The following MYH11 variants were observed in gnomAD, a reference collection of about 807,000 sequenced individuals.
MYH11 encodes the protein myosin heavy chain 11, also known as myosin-11.
MYH11 carries 80 observed loss-of-function variants against 246.6 expected under a neutral mutation model. The observed-to-expected ratio is 0.32, with a 90% CI of 0.27 to 0.39. The LOEUF (loss-of-function observed/expected upper bound fraction) is 0.39, where lower values mean the gene tolerates loss of function less well. MYH11 is among the 10% of genes least tolerant of loss of function. The pLI, the probability that MYH11 is intolerant of heterozygous loss-of-function variation, is 1.00. For missense variants in MYH11, 2,158 were observed against 2,546.8 expected, an observed-to-expected ratio of 0.85 and a Z score of 3.29; for synonymous variants, 1,071 against 1,015.5, an observed-to-expected ratio of 1.05 and a Z score of -1.04.
In MYH11 at chr16:15,732,712, G is replaced by C. The variant is rs2041004421; in HGVS notation, c.3507-4C>G. On this transcript the variant is annotated splice_polypyrimidine_tract_variant and splice_region_variant and intron_variant, in intron 26 of 40. Coordinates refer to ENST00000300036, the MANE Select transcript of MYH11 (RefSeq NM_002474.3). ...CACCTCCTGCTCCCTCTTGGCCCTT[G>C]GTGGGAGGAACACAGTGAATGGCAG... is the stretch of plus-strand genomic sequence containing the variant. 6.2e-7 allele frequency: 1 copy of C among 1,614,050 alleles called. No homozygotes were observed. Among genetic ancestry groups the C allele is most frequent in the Admixed American group, 1.7e-5 (1 of 60,002 alleles).
In MYH11 at chr16:15,789,076, C is replaced by A. The variant is rs151069574; in HGVS notation, c.531-2344G>T. Among the ~76,000 whole-genome samples, 10 of 152,246 alleles carry A rather than the reference C, an allele frequency of 6.6e-5. No homozygotes were observed. The East Asian group carries it at 1.9e-3, about 29-fold the overall frequency. ...CATGAATTATTTCCTTTATCCTCTT[C>A]CTGCTTCCATGTTATTATAGAAGGA... On this transcript the variant is annotated intron_variant, in intron 4 of 40. Coordinates refer to ENST00000300036, the MANE Select transcript of MYH11 (RefSeq NM_002474.3).
chr16:15,833,885 C>T (rs1002221751), intron 2 of MYH11, among the ~76,000 whole-genome samples: 1 of 152,052 alleles, frequency 6.6e-6, no homozygotes, highest in South Asian at 2.1e-4. Flanking sequence ...CCGTCATGGA[C>T]GACGGTTTCT....
At chr16:15,762,146 T>C (rs1325502082) in intron 10 of MYH11, among the ~76,000 whole-genome samples, 1 of 152,204 alleles carries the variant, frequency 6.6e-6, no homozygotes, top group Non-Finnish European at 1.5e-5. Context: ...GGCTAATTTT[T>C]GTATTTTTAG....
At chr16:15,736,209 A>G (rs2041113768) in intron 25 of MYH11, among the ~76,000 whole-genome samples, 1 of 152,206 alleles carries the variant, frequency 6.6e-6, no homozygotes, top group Admixed American at 6.5e-5. Flanking sequence ...CAGAGGGTGG[A>G]TGGGCTCTGA....
rs11273419 is a variant in MYH11 at position 15,788,095 on chromosome 16, T to TTTTTTTTTTTTTTTTTTTA, written c.531-1364_531-1363insTAAAAAAAAAAAAAAAAAA. On this transcript the variant is annotated intron_variant, in intron 4 of 40. Transcript: ENST00000300036. The stretch of plus-strand genomic sequence containing the variant: ...GGTAGATCTTTTTTTTTTTTTTTTT[T>TTTTTTTTTTTTTTTTTTTA]ACCAAGATGGCTTTCGTGCACTAGC... 6.2e-4 allele frequency among the ~76,000 whole-genome samples: 62 copies of TTTTTTTTTTTTTTTTTTTA among 99,512 alleles called. 11 individuals are homozygous for TTTTTTTTTTTTTTTTTTTA. Among genetic ancestry groups the TTTTTTTTTTTTTTTTTTTA allele is most frequent in the East Asian group, 4.8e-3 (12 of 2,494 alleles). The allele number at this position is 99,512 out of a possible 152,430, so 65.3% of individuals were successfully genotyped here. A position where few individuals can be genotyped will look rare whatever the true frequency, so the allele number is the denominator to read the frequency against.
chr16:15,754,023 T>C (rs933912555), intron 14 of MYH11, among the ~76,000 whole-genome samples: 2 of 147,444 alleles, frequency 1.4e-5, no homozygotes, highest in East Asian at 2.0e-4. Context: ...CTGACCAACA[T>C]GGTGAAACCC....
At chr16:15,710,895 C>T (rs1413484183) in intron 40 of MYH11, among the ~76,000 whole-genome samples, 1 of 152,104 alleles carries the variant, frequency 6.6e-6, no homozygotes, top group Non-Finnish European at 1.5e-5. Context: ...CCAGGCTGGT[C>T]TCGAACTCCT....
At chr16:15,829,926 A>G (rs1431337581) in intron 2 of MYH11, among the ~76,000 whole-genome samples, 6 of 152,174 alleles carry the variant, frequency 3.9e-5, no homozygotes, top group Middle Eastern at 3.4e-3. Flanking sequence ...CCTGAGGTCA[A>G]GAGTTCGAGA....
chr16:15,718,213 G>T, intron 37 of MYH11, 102 bp downstream of exon 37: 1 of 1,576,820 alleles, frequency 6.3e-7, no homozygotes, highest in East Asian at 2.2e-5. Flanking sequence ...CTCAATCCAG[G>T]GCCTGCACAC....
Position 15,776,061 on chromosome 16 carries a change from C to T in MYH11, c.889+17G>A. 6.4e-7 allele frequency: 1 copy of T among 1,566,634 alleles called. No individual in the cohort carries two copies. Among genetic ancestry groups the T allele is most frequent in the Non-Finnish European group, 8.8e-7 (1 of 1,136,692 alleles). On this transcript the variant is annotated intron_variant, in intron 8 of 40. Transcript: ENST00000300036. ...AGGCTCAAGCCATCCAATCACATGT[C>T]ATTGCTAGTCACTTACTTCTCATCT...
chr16:15,853,565 C>T (rs2044383787), intron 1 of MYH11, among the ~76,000 whole-genome samples: 1 of 152,194 alleles, frequency 6.6e-6, no homozygotes, highest in African/African-American at 2.4e-5. Flanking sequence ...GCAGCTTCTT[C>T]CTCTGTCCTT....
rs1322765466 is a variant in MYH11, at chr16:15,750,954, G to T, written c.1865-623C>A. Among the ~76,000 whole-genome samples, 1 of 152,006 alleles carries T rather than the reference G, an allele frequency of 6.6e-6. No homozygotes were observed. The highest frequency in any genetic ancestry group is 2.4e-5 in the African/African-American group (1 of 41,398). Reference sequence around the variant, plus strand: ...AGAGAGTGAAGAGGGTGCTCTCTTAGACAAGGAGGTGGTGGGCTCTGCTAA... The same window carrying T: ...AGAGAGTGAAGAGGGTGCTCTCTTATACAAGGAGGTGGTGGGCTCTGCTAA... On this transcript the variant is annotated intron_variant, in intron 15 of 40. Coordinates refer to ENST00000300036, the MANE Select transcript of MYH11 (RefSeq NM_002474.3). This position sits in a 1 kb window ranked among gnomAD's most constrained non-coding sequence, Gnocchi z 4.3.
At chr16:15,717,413 T>C in intron 37 of MYH11, 65 bp from the exon 38 acceptor site, 1 of 1,534,492 alleles carries the variant, frequency 6.5e-7, no homozygotes, top group African/African-American at 1.4e-5. Flanking sequence ...ACTGAGACCA[T>C]GCCTCTTCCT....
At chr16:15,710,956 G>A (rs1567677682) in intron 40 of MYH11, among the ~76,000 whole-genome samples, 1 of 152,162 alleles carries the variant, frequency 6.6e-6, no homozygotes, top group Non-Finnish European at 1.5e-5. Context: ...GGGATTACAG[G>A]CGTGAGCCAC....
Position 15,703,624 on chromosome 16 carries a change from T to C in MYH11, c.*367A>G, listed in dbSNP as rs1443878197. Reference sequence around the variant, plus strand: ...GTGGTGGTGGTTGAGACAGGGTCTCTGTTGCCCAGGCTGGAGTGCAATGAT... The same window carrying C: ...GTGGTGGTGGTTGAGACAGGGTCTCCGTTGCCCAGGCTGGAGTGCAATGAT... On this transcript the variant is annotated 3_prime_UTR_variant, in exon 41 of 41. Transcript: ENST00000300036. The C allele has an allele frequency of 1.7e-5, 7 of 402,666 alleles. No individual in the cohort carries two copies. Among genetic ancestry groups the C allele is most frequent in the Non-Finnish European group, 3.3e-5 (7 of 213,958 alleles). 24.9% of individuals were successfully genotyped at this position (402,666 alleles called of 1,614,324 possible). A position where few individuals can be genotyped will look rare whatever the true frequency, so the allele number is the denominator to read the frequency against.
chr16:15,748,312 G>A (rs1298987796), intron 16 of MYH11, 144 bp from the exon 17 acceptor site: 10 of 1,392,076 alleles, frequency 7.2e-6, no homozygotes, highest in East Asian at 5.0e-5. Context: ...GCTGAGGGCC[G>A]AGGGGCAAAG....
intron 40 of MYH11, among the ~76,000 whole-genome samples, chr16:15,711,434 A>G (rs983292755): frequency 6.6e-6 from 1 of 152,176 alleles, no homozygotes; most frequent in African/African-American, 2.4e-5. Context: ...CAATAGCTAG[A>G]TATTGAACTT....
At chr16:15,853,110 C>G (rs916536850) in intron 1 of MYH11, among the ~76,000 whole-genome samples, 2 of 152,114 alleles carry the variant, frequency 1.3e-5, no homozygotes, top group African/African-American at 4.8e-5. Flanking sequence ...CCTCTCTGGG[C>G]CTTGTATTTT....
intron 2 of MYH11, among the ~76,000 whole-genome samples, chr16:15,832,820 G>A (rs1467098961): frequency 6.6e-6 from 1 of 151,784 alleles, no homozygotes; most frequent in Non-Finnish European, 1.5e-5. Context: ...TACCCCAAGA[G>A]CCCTTTGCTA....
Sources: gnomAD v4.1 joint callset for allele counts (sites outside exome capture counted in the v4.1 genomes callset) on GRCh38, gnomAD v4.1.1 for gene constraint, Gnocchi (gnomAD v3.1) non-coding constraint, MANE v1.5 for transcripts, NCBI Gene and HGNC (gene_info 2026-07-23, HGNC 2026-07-21) for gene names.